SREK1: variants seen among roughly 807,000 people sequenced by gnomAD.
SREK1 encodes splicing regulatory glutamine/lysine-rich protein 1.
A neutral mutation model predicts 66.5 loss-of-function variants in SREK1; 13 were observed. The observed-to-expected ratio is 0.20, with a 90% confidence interval of 0.13 to 0.31. The LOEUF (loss-of-function observed/expected upper bound fraction) is 0.31. SREK1 is among the 10% of genes least tolerant of loss of function. SREK1 has a pLI of 1.00. For missense variants in SREK1, 607 were observed against 769.6 expected, an observed-to-expected ratio of 0.79 and a Z score of 2.50; for synonymous variants, 265 against 263.5, an observed-to-expected ratio of 1.01 and a Z score of -0.05.
At chr5:66,169,365 C>T (rs1471905854) in intron 7 of SREK1, 1 of 152,146 alleles carries the variant, frequency 6.6e-6, no homozygotes, top group Non-Finnish European at 1.5e-5. Flanking sequence ...GAAATGCTCA[C>T]TGGAGCATTT....
At chr5:66,165,230 G>A in intron 7 of SREK1, 1 of 176,014 alleles carries the variant, frequency 5.7e-6, no homozygotes, top group Non-Finnish European at 1.2e-5. Flanking sequence ...TTGAGAAAAG[G>A]GAACATCCTT....
Position 66,164,912 on chromosome 5 carries a change from T to C in SREK1, c.1001+15T>C, listed in dbSNP as rs1399789900. ...TCAAAACACAGGTGAGAATTTCTGC[T>C]GTCATATTTAAATTTTATTTTAGTT... On this transcript the variant is annotated intron_variant, in intron 7 of 11. Coordinates refer to ENST00000334121, the MANE Select transcript of SREK1 (RefSeq NM_001077199.3). 1 of 1,587,628 alleles carries C rather than the reference T, an allele frequency of 6.3e-7. No homozygotes were observed. Among genetic ancestry groups the C allele is most frequent in the Non-Finnish European group, 8.6e-7 (1 of 1,168,532 alleles).
In SREK1 at chr5:66,182,614, GAGTGC is replaced by G. The variant is rs1425091267; in HGVS notation, c.*3751_*3755del. The G allele has an allele frequency of 6.6e-6, 1 of 151,988 alleles. No homozygotes were observed. Among genetic ancestry groups the G allele is most frequent in the Non-Finnish European group, 1.5e-5 (1 of 68,016 alleles). The allele number at this position is 151,988 out of a possible 1,614,324, so 9.4% of individuals were successfully genotyped here. On this transcript the variant is annotated 3_prime_UTR_variant, in exon 12 of 12. Coordinates refer to ENST00000334121, the MANE Select transcript of SREK1 (RefSeq NM_001077199.3). ...GGGTCTCACTCTGTCACTCAGGCTG[GAGTGC>G]AGTGACACGATCATGGCTCACTGCA...
At chr5:66,167,019 G>A (rs1047220323) in intron 7 of SREK1, 1 of 152,184 alleles carries the variant, frequency 6.6e-6, no homozygotes, top group African/African-American at 2.4e-5. Context: ...GCTAGTGGGA[G>A]TTGTTGTCCT....
At chr5:66,152,410 A>G (rs1743926272) in intron 1 of SREK1, among the ~76,000 whole-genome samples, 1 of 149,350 alleles carries the variant, frequency 6.7e-6, no homozygotes. Flanking sequence ...CTAATTTAAT[A>G]GTATGTCAGA....
At position 66,159,316 on chromosome 5, in the gene SREK1, C is replaced by G; in HGVS notation, c.393C>G (p.Thr131=). 1 of 1,611,548 alleles carries G rather than the reference C, an allele frequency of 6.2e-7. No individual in the cohort carries two copies. Among genetic ancestry groups the G allele is most frequent in the Non-Finnish European group, 8.5e-7 (1 of 1,178,808 alleles). Residue 131 remains threonine, a synonymous_variant, in exon 3 of 12, where the codon ACC becomes ACG. Transcript: ENST00000334121. ...MPGAGLLPIP[T]PNPLTTLGVS... Reference sequence around the variant, plus strand: ...GTGCAGGATTGCTTCCAATACCGACCCCAAATCCTTTGACTACTGTAAGTA... The same window carrying G: ...GTGCAGGATTGCTTCCAATACCGACGCCAAATCCTTTGACTACTGTAAGTA...
chr5:66,144,460 G>T lies in SREK1; in HGVS notation c.84G>T (p.Ser28=). 1 of 1,552,526 alleles carries T rather than the reference G, an allele frequency of 6.4e-7. No individual in the cohort carries two copies. The highest frequency in any genetic ancestry group is 8.7e-7 in the Non-Finnish European group (1 of 1,147,452). ...TGATTCAGGTGACGAATCTGTCGTC[G>T]GCGGTGACCAGCGAGCAGATGCGGA... ...TSVIQVTNLS[S]AVTSEQMRTL... The change falls in exon 1 of 12, where the codon TCG becomes TCT. Residue 28 remains serine (S), a synonymous_variant. Transcript: ENST00000334121.
In SREK1 at chr5:66,180,953, ATTG is replaced by A. The variant is rs1460353869; in HGVS notation, c.*2090_*2092del. On this transcript the variant is annotated 3_prime_UTR_variant, in exon 12 of 12. Transcript: ENST00000334121. ...CCTGCTCATTTTAGTTGTCATAGAG[ATTG>A]TTGTGACGTGGAGAGTGCATGTTTG... is the stretch of plus-strand genomic sequence containing the variant. The A allele has an allele frequency of 3.9e-5, 6 of 152,220 alleles. No individual in the cohort carries two copies. Among genetic ancestry groups the A allele is most frequent in the African/African-American group, 1.4e-4 (6 of 41,464 alleles). 9.4% of individuals were successfully genotyped at this position (152,220 alleles called of 1,614,324 possible).
At position 66,153,816 on chromosome 5, in the gene SREK1, C is replaced by T. The variant is rs192881088; in HGVS notation, c.295+220C>T. ...TTTACAATTTAACATTCATTGGCTT[C>T]TGGTTTGCTTTGGCTTTCTGTAGTC... On this transcript the variant is annotated intron_variant, in intron 2 of 11. Coordinates refer to ENST00000334121, the MANE Select transcript of SREK1 (RefSeq NM_001077199.3). 346 of 504,218 alleles carry T rather than the reference C, an allele frequency of 6.9e-4. 1 individual carries two copies. The highest frequency in any genetic ancestry group is 1.0e-3 in the Non-Finnish European group (307 of 302,310). The allele number at this position is 504,218 out of a possible 1,614,324, so 31.2% of individuals were successfully genotyped here.
At chr5:66,172,206 G>T (rs987711195) in intron 9 of SREK1, among the ~76,000 whole-genome samples, 1 of 152,120 alleles carries the variant, frequency 6.6e-6, no homozygotes, top group Non-Finnish European at 1.5e-5. Context: ...TATTGATTCT[G>T]TGTCACACAT....
rs756163837 is a variant in SREK1 at position 66,153,912 on chromosome 5, TAAAC to T, written c.295+319_295+322del. ...GATATGGGAAATTATTTTAAATGCATAAACAAGCATTTACCTTGTGTGTTCAATA... is the reference window on the plus strand; with the variant it reads ...GATATGGGAAATTATTTTAAATGCATAAGCATTTACCTTGTGTGTTCAATA... On this transcript the variant is annotated intron_variant, in intron 2 of 11. Coordinates refer to ENST00000334121, the MANE Select transcript of SREK1 (RefSeq NM_001077199.3). The T allele has an allele frequency of 9.3e-4, 267 of 286,500 alleles. 2 individuals are homozygous for T. Among genetic ancestry groups the T allele is most frequent in the South Asian group, 6.4e-3 (152 of 23,868 alleles). The allele number at this position is 286,500 out of a possible 1,614,324, so 17.7% of individuals were successfully genotyped here.
At chr5:66,168,472 C>G (rs1561510192) in intron 7 of SREK1, 1 of 152,130 alleles carries the variant, frequency 6.6e-6, no homozygotes, top group Non-Finnish European at 1.5e-5. Flanking sequence ...AGTTGATTCT[C>G]CCACCTCAGC....
rs1746636035 is a variant in SREK1 at position 66,183,208 on chromosome 5, T to C, written c.*4340T>C. The C allele has an allele frequency of 6.6e-6, 1 of 152,192 alleles. No individual in the cohort carries two copies. The highest frequency in any genetic ancestry group is 2.1e-4 in the South Asian group (1 of 4,830). The allele number at this position is 152,192 out of a possible 1,614,324, so 9.4% of individuals were successfully genotyped here. A position where few individuals can be genotyped will look rare whatever the true frequency, so the allele number is the denominator to read the frequency against. On this transcript the variant is annotated 3_prime_UTR_variant, in exon 12 of 12. Coordinates refer to ENST00000334121, the MANE Select transcript of SREK1 (RefSeq NM_001077199.3). ...ACCTTCTATTCTTGGTTTATTTTTA[T>C]TTGCTAGACATAATTTCTTAACTAC... is the stretch of plus-strand genomic sequence containing the variant.
intron 9 of SREK1, among the ~76,000 whole-genome samples, chr5:66,173,875 T>C (rs1249668944): frequency 6.6e-6 from 1 of 152,222 alleles, no homozygotes; most frequent in African/African-American, 2.4e-5. Flanking sequence ...TGGAGTGTCT[T>C]GGGAATAAAA....
rs1490299797 is a variant in SREK1 at position 66,182,375 on chromosome 5, G to GT, written c.*3510dup. The GT allele has an allele frequency of 6.6e-6, 1 of 151,948 alleles. No individual in the cohort carries two copies. Among genetic ancestry groups the GT allele is most frequent in the Non-Finnish European group, 1.5e-5 (1 of 67,968 alleles). 9.4% of individuals were successfully genotyped at this position (151,948 alleles called of 1,614,324 possible). ...ATGTAATTTTCACTTAAAATTAGATGTTTATTTTCAAATTTTAAAAGCTAG... is the reference window on the plus strand; with the variant it reads ...ATGTAATTTTCACTTAAAATTAGATGTTTTATTTTCAAATTTTAAAAGCTAG... On this transcript the variant is annotated 3_prime_UTR_variant, in exon 12 of 12. Transcript: ENST00000334121.
chr5:66,175,556 G>T (rs1745992309), intron 10 of SREK1, among the ~76,000 whole-genome samples: 1 of 152,020 alleles, frequency 6.6e-6, no homozygotes. Flanking sequence ...GAATAGCTTT[G>T]GACTTAAGTT....
chr5:66,165,266 C>T (rs1745079201), intron 7 of SREK1: 1 of 161,694 alleles, frequency 6.2e-6, no homozygotes, highest in South Asian at 1.7e-4. Flanking sequence ...AATAATTGCT[C>T]AAGTTGCAGC....
intron 10 of SREK1, among the ~76,000 whole-genome samples, chr5:66,177,079 T>G (rs1449482279): frequency 6.6e-6 from 1 of 152,160 alleles, no homozygotes; most frequent in African/African-American, 2.4e-5. Flanking sequence ...ATGTCACTCC[T>G]GTCTCCATTC....
intron 3 of SREK1, 36 bp downstream of exon 3, chr5:66,159,370 T>TTC: frequency 6.6e-7 from 1 of 1,526,700 alleles, no homozygotes; most frequent in Non-Finnish European, 8.9e-7. Flanking sequence ...AAGAGGTGAA[T>TTC]GTTCAACTGT....
Sources: allele counts gnomAD v4.1 joint callset (sites outside exome capture counted in the v4.1 genomes callset), GRCh38; gene constraint gnomAD v4.1.1; transcripts MANE v1.5; gene names NCBI Gene and HGNC (gene_info 2026-07-23, HGNC 2026-07-21).